Variants in DLG2 observed in about 807,000 individuals in gnomAD.
The protein encoded by DLG2 is disks large homolog 2.
In DLG2, 45 loss-of-function variants were observed where a neutral mutation model predicts 132.5. That is an observed-to-expected ratio of 0.34 (90% CI 0.27 to 0.44). The LOEUF (loss-of-function observed/expected upper bound fraction) is 0.44, where lower values mean the gene tolerates loss of function less well. Among genes scored for constraint, DLG2 ranks in the 20% least tolerant of loss-of-function variants. The probability of loss-of-function intolerance (pLI) is 1.00; values close to 1 mark genes in which losing one functional copy is unlikely to be tolerated. For synonymous variants in DLG2, 424 were observed against 419.6 expected (o/e 1.01, Z -0.13); for missense variants, 1,045 against 1,196.9 (o/e 0.87, Z 1.87).
intron 6 of DLG2, among the ~76,000 whole-genome samples, chr11:84,718,393 G>A (rs1410132447): frequency 6.6e-6 from 1 of 151,848 alleles, no homozygotes; most frequent in African/African-American, 2.4e-5. Flanking sequence ...AGAACATAAA[G>A]AAAGTTAAAC....
At chr11:85,150,532 A>AC (rs1272361556) in intron 5 of DLG2, among the ~76,000 whole-genome samples, 2 of 151,648 alleles carry the variant, frequency 1.3e-5, no homozygotes, top group Non-Finnish European at 2.9e-5. Context: ...CTAGGCAACT[A>AC]CCTCTCTACT....
chr11:84,491,829 C>T (rs1394912406), intron 7 of DLG2, among the ~76,000 whole-genome samples: 1 of 152,090 alleles, frequency 6.6e-6, no homozygotes, highest in Non-Finnish European at 1.5e-5. Flanking sequence ...GAATGTTAAA[C>T]ATGTGTTTTA....
At chr11:84,398,883 C>T (rs372589794) in intron 7 of DLG2, among the ~76,000 whole-genome samples, 9 of 152,320 alleles carry the variant, frequency 5.9e-5, no homozygotes, top group African/African-American at 2.2e-4. Context: ...ACTCAAAACA[C>T]TCTCAGTAAA....
intron 6 of DLG2, among the ~76,000 whole-genome samples, chr11:84,823,877 T>C (rs2078014791): frequency 6.6e-6 from 1 of 151,844 alleles, no homozygotes; most frequent in African/African-American, 2.4e-5. Flanking sequence ...ATTGGTAGCA[T>C]GACTATATAA....
intron 4 of DLG2, among the ~76,000 whole-genome samples, chr11:85,159,694 C>A (rs1471715827): frequency 6.6e-6 from 1 of 152,216 alleles, no homozygotes; most frequent in Non-Finnish European, 1.5e-5. Context: ...ACCTGCTATG[C>A]AGCCATTGGC....
intron 19 of DLG2, among the ~76,000 whole-genome samples, chr11:83,550,705 T>C (rs1357345438): frequency 1.3e-5 from 2 of 152,202 alleles, no homozygotes; most frequent in Admixed American, 6.5e-5. Flanking sequence ...AGAGGAAGAC[T>C]GCTTGGATGA....
intron 4 of DLG2, among the ~76,000 whole-genome samples, chr11:85,205,065 A>G (rs2081769398): frequency 6.6e-6 from 1 of 151,580 alleles, no homozygotes; most frequent in Non-Finnish European, 1.5e-5. Context: ...TGTAAAACAT[A>G]AAACTATAAA....
intron 14 of DLG2, among the ~76,000 whole-genome samples, chr11:83,958,112 C>T (rs2087392108): frequency 1.3e-5 from 2 of 152,214 alleles, no homozygotes; most frequent in African/African-American, 4.8e-5. Context: ...TTGCTAATAA[C>T]TATGCTTGAC....
At chr11:85,155,131 A>C (rs2077506427) in intron 4 of DLG2, among the ~76,000 whole-genome samples, 1 of 152,360 alleles carries the variant, frequency 6.6e-6, no homozygotes, top group East Asian at 1.9e-4. Context: ...CTTTCAAAGC[A>C]AAGGGTAGGT....
chr11:83,559,709 G>GA (rs2096578436), intron 19 of DLG2, among the ~76,000 whole-genome samples: 1 of 152,212 alleles, frequency 6.6e-6, no homozygotes, highest in Non-Finnish European at 1.5e-5. Context: ...AATGTAAGCA[G>GA]TAGGGGTATA....
intron 10 of DLG2, among the ~76,000 whole-genome samples, chr11:84,098,105 G>C (rs1201167662): frequency 6.7e-6 from 1 of 149,094 alleles, no homozygotes. Flanking sequence ...CGGGAGTGCA[G>C]TGGCATGATC....
rs568223754 is a variant in DLG2, at chr11:85,143,863, G to A, written c.282+10693C>T. 7.6e-4 allele frequency among the ~76,000 whole-genome samples: 115 copies of A among 151,932 alleles called. No individual in the cohort carries two copies. The South Asian group carries it at 8.3e-3, about 11-fold the overall frequency. Reference sequence around the variant, plus strand: ...ACTTTAACATATGGTCTATCATTGAGAATGACCCATGTGCTGAAAGAAAGA... The same window carrying A: ...ACTTTAACATATGGTCTATCATTGAAAATGACCCATGTGCTGAAAGAAAGA... On this transcript the variant is annotated intron_variant, in intron 5 of 27. Transcript: ENST00000376104.
At chr11:85,387,196 G>A (rs2086417701) in intron 3 of DLG2, among the ~76,000 whole-genome samples, 1 of 152,036 alleles carries the variant, frequency 6.6e-6, no homozygotes, top group Non-Finnish European at 1.5e-5. Flanking sequence ...CTTTCTTAAT[G>A]AAATATATTT....
intron 7 of DLG2, among the ~76,000 whole-genome samples, chr11:84,273,945 C>A (rs547964080): frequency 6.6e-6 from 1 of 152,068 alleles, no homozygotes; most frequent in Non-Finnish European, 1.5e-5. Flanking sequence ...ACTAGAAGAA[C>A]TTTATGTTGC....
intron 3 of DLG2, among the ~76,000 whole-genome samples, chr11:85,520,944 A>T (rs1015075577): frequency 2.0e-5 from 3 of 152,212 alleles, no homozygotes; most frequent in Non-Finnish European, 2.9e-5. Flanking sequence ...TCTCCAGGAC[A>T]TTTCTCTGGG....
intron 21 of DLG2, among the ~76,000 whole-genome samples, chr11:83,524,255 G>A (rs1189126696): frequency 6.6e-6 from 1 of 152,140 alleles, no homozygotes; most frequent in Non-Finnish European, 1.5e-5. Context: ...CTGTGCCTGT[G>A]TATCTCAAAT....
At chr11:84,377,179 T>C (rs1225756316) in intron 7 of DLG2, among the ~76,000 whole-genome samples, 1 of 152,120 alleles carries the variant, frequency 6.6e-6, no homozygotes, top group African/African-American at 2.4e-5. Flanking sequence ...CCAGGCTTTA[T>C]ACTTATTTTT....
chr11:84,473,872 T>G (rs1199108041), intron 7 of DLG2, among the ~76,000 whole-genome samples: 1 of 152,064 alleles, frequency 6.6e-6, no homozygotes, highest in Middle Eastern at 3.2e-3. Context: ...TTAAAAGCAA[T>G]TATTTCTCCA....
intron 8 of DLG2, among the ~76,000 whole-genome samples, chr11:84,221,820 C>T (rs1010037086): frequency 8.6e-5 from 13 of 152,028 alleles, no homozygotes; most frequent in African/African-American, 3.1e-4. Flanking sequence ...CAAGTGCTTA[C>T]TAAGTGAAGG....
Sources: allele counts gnomAD v4.1 joint callset (sites outside exome capture counted in the v4.1 genomes callset), GRCh38; gene constraint gnomAD v4.1.1; transcripts MANE v1.5; gene names NCBI Gene and HGNC (gene_info 2026-07-23, HGNC 2026-07-21).